The following SDK1 variants were observed in gnomAD, a reference collection of about 807,000 sequenced individuals.
The protein encoded by SDK1 is sidekick cell adhesion molecule 1, also known as protein sidekick-1.
SDK1 carries 157 observed loss-of-function variants against 245.5 expected under a neutral mutation model. The observed-to-expected ratio is 0.64, with a 90% CI of 0.56 to 0.73. The LOEUF (loss-of-function observed/expected upper bound fraction) is 0.73, where lower values mean the gene tolerates loss of function less well. SDK1 is among the 30% of genes least tolerant of loss of function. The pLI, the probability that SDK1 is intolerant of heterozygous loss-of-function variation, is 0.00. For missense variants in SDK1, 3,583 were observed against 3,002.3 expected (o/e 1.19, Z -4.52); for synonymous variants, 1,647 against 1,278.5 (o/e 1.29, Z -6.15).
chr7:3,924,451 G>C (rs956433597), intron 5 of SDK1, among the ~76,000 whole-genome samples: 19 of 152,156 alleles, frequency 1.2e-4, no homozygotes, highest in African/African-American at 4.3e-4. Context: ...TCGTGGTGAC[G>C]GGGTGTGATC....
intron 4 of SDK1, among the ~76,000 whole-genome samples, chr7:3,756,445 A>C (rs1410242672): frequency 1.3e-5 from 2 of 151,132 alleles, no homozygotes; most frequent in Non-Finnish European, 3.0e-5. Context: ...GGCATAGCAC[A>C]TGTGACACAT....
In SDK1 at chr7:3,711,769, A is replaced by G. The variant is rs568525158; in HGVS notation, c.713+69664A>G. Reference sequence around the variant, plus strand: ...ATCCTGCAGGCCCTGGAGGCCATTGAGGTTCTTCCCATTCTGAGTACAGTG... The same window carrying G: ...ATCCTGCAGGCCCTGGAGGCCATTGGGGTTCTTCCCATTCTGAGTACAGTG... On this transcript the variant is annotated intron_variant, in intron 4 of 44. Coordinates refer to ENST00000404826, the MANE Select transcript of SDK1 (RefSeq NM_152744.4). 7.9e-5 allele frequency among the ~76,000 whole-genome samples: 12 copies of G among 152,168 alleles called. 1 individual carries two copies. In the South Asian group the frequency reaches 2.5e-3, roughly 32 times the overall value.
chr7:3,843,904 GT>G (rs1780216786), intron 5 of SDK1, among the ~76,000 whole-genome samples: 1 of 152,180 alleles, frequency 6.6e-6, no homozygotes, highest in South Asian at 2.1e-4. Flanking sequence ...GTAATATTAT[GT>G]TGATCAAACA....
At chr7:3,941,545 A>G (rs1331962355) in intron 5 of SDK1, among the ~76,000 whole-genome samples, 1 of 151,778 alleles carries the variant, frequency 6.6e-6, no homozygotes, top group Non-Finnish European at 1.5e-5. Flanking sequence ...TATTCCTGAA[A>G]TGCCTTTCCT....
chr7:4,231,695 A>T (rs1259225000), intron 40 of SDK1, among the ~76,000 whole-genome samples: 2 of 152,212 alleles, frequency 1.3e-5, no homozygotes, highest in Non-Finnish European at 2.9e-5. Context: ...TGTACCTTTA[A>T]AATCTCATTC....
At chr7:3,812,073 TC>T (rs1242052261) in intron 4 of SDK1, among the ~76,000 whole-genome samples, 2 of 152,196 alleles carry the variant, frequency 1.3e-5, no homozygotes, top group African/African-American at 4.8e-5. Context: ...CAGTAAGATA[TC>T]CCCTTGTGTT....
chr7:3,427,807 G>A (rs976365611), intron 1 of SDK1, among the ~76,000 whole-genome samples: 1 of 151,200 alleles, frequency 6.6e-6, no homozygotes, highest in African/African-American at 2.4e-5. Context: ...CCTTCACCAA[G>A]CTCCTGTGGC....
intron 4 of SDK1, among the ~76,000 whole-genome samples, chr7:3,704,999 A>G (rs938911776): frequency 6.6e-6 from 1 of 152,092 alleles, no homozygotes; most frequent in African/African-American, 2.4e-5. Flanking sequence ...GTTGATTTTA[A>G]GTATTTGGCT....
intron 28 of SDK1, among the ~76,000 whole-genome samples, chr7:4,140,668 G>A (rs79349250): frequency 0.011 from 1,639 of 152,294 alleles, 36 homozygotes; most frequent in African/African-American, 0.037. Context: ...GTGCTCGTGG[G>A]CACCCAGCCC....
intron 22 of SDK1, among the ~76,000 whole-genome samples, chr7:4,096,179 G>A (rs1782140081): frequency 6.6e-6 from 1 of 152,192 alleles, no homozygotes; most frequent in Non-Finnish European, 1.5e-5. Context: ...AAATCCCAGA[G>A]TCTCCTGGAA....
At chr7:3,750,310 C>G (rs1209746107) in intron 4 of SDK1, among the ~76,000 whole-genome samples, 1 of 152,140 alleles carries the variant, frequency 6.6e-6, no homozygotes, top group African/African-American at 2.4e-5. Flanking sequence ...GGCAAGGAAA[C>G]TAAACCATTT....
chr7:3,961,862 CA>C (rs916260490), intron 8 of SDK1, among the ~76,000 whole-genome samples: 1 of 150,660 alleles, frequency 6.6e-6, no homozygotes, highest in Admixed American at 6.6e-5. Context: ...CCACCTCACA[CA>C]GACACACATA....
chr7:4,072,578 C>G (rs1228948004), intron 20 of SDK1, among the ~76,000 whole-genome samples: 1 of 152,232 alleles, frequency 6.6e-6, no homozygotes, highest in African/African-American at 2.4e-5. Flanking sequence ...AAATTCTATT[C>G]TGTGCTGAAG....
intron 14 of SDK1, among the ~76,000 whole-genome samples, chr7:3,991,359 C>T (rs1361978090): frequency 6.6e-6 from 1 of 152,154 alleles, no homozygotes; most frequent in East Asian, 1.9e-4. Context: ...CTGCAAGTCC[C>T]ATTACGCCCA....
intron 1 of SDK1, among the ~76,000 whole-genome samples, chr7:3,326,963 C>T (rs1221645365): frequency 2.0e-5 from 3 of 152,140 alleles, no homozygotes; most frequent in Non-Finnish European, 2.9e-5. Flanking sequence ...AATTGATTTT[C>T]TTCCTGTGGG....
At chr7:3,550,904 T>A (rs1455435153) in intron 1 of SDK1, among the ~76,000 whole-genome samples, 1 of 152,216 alleles carries the variant, frequency 6.6e-6, no homozygotes, top group African/African-American at 2.4e-5. Flanking sequence ...TAGTTGAAAT[T>A]AGTGTATTAC....
chr7:3,876,559 A>G (rs1404155133), intron 5 of SDK1, among the ~76,000 whole-genome samples: 1 of 152,228 alleles, frequency 6.6e-6, no homozygotes, highest in Admixed American at 6.5e-5. Flanking sequence ...TAATTTTAAA[A>G]TGTAAAAACA....
At chr7:3,913,105 A>G (rs1191223624) in intron 5 of SDK1, among the ~76,000 whole-genome samples, 1 of 152,092 alleles carries the variant, frequency 6.6e-6, no homozygotes, top group African/African-American at 2.4e-5. Flanking sequence ...TGCCTGAAGG[A>G]AGCATCTGGG....
At chr7:4,121,475 C>T (rs1204260538) in intron 25 of SDK1, among the ~76,000 whole-genome samples, 1 of 152,226 alleles carries the variant, frequency 6.6e-6, no homozygotes, top group East Asian at 1.9e-4. Flanking sequence ...CTTTTCTCTC[C>T]TGCTGGCATG....
Sources: gnomAD v4.1 joint callset for allele counts (sites outside exome capture counted in the v4.1 genomes callset) on GRCh38, gnomAD v4.1.1 for gene constraint, MANE v1.5 for transcripts, NCBI Gene and HGNC (gene_info 2026-07-23, HGNC 2026-07-21) for gene names.